The following RHBDF1 variants were observed in gnomAD, a reference collection of about 807,000 sequenced individuals.
The protein encoded by RHBDF1 is inactive rhomboid protein 1.
Under a neutral mutation model 98.6 loss-of-function variants are expected in RHBDF1, and 80 were observed. The ratio of observed to expected loss-of-function variants is 0.81; its 90% CI spans 0.68 to 0.98. The LOEUF (loss-of-function observed/expected upper bound fraction) is 0.98. Among genes scored for constraint, RHBDF1 ranks in the 50% least tolerant of loss-of-function variants. RHBDF1 has a pLI of 0.00. For synonymous variants in RHBDF1, 512 were observed against 486.8 expected (o/e 1.05, Z -0.68); for missense variants, 1,116 against 1,198.3 (o/e 0.93, Z 1.01).
At position 61,448 on chromosome 16, in the gene RHBDF1, G is replaced by GTTCC; in HGVS notation, c.1328_1331dup (p.Asn444LysfsTer114). On this transcript the variant is annotated frameshift_variant, in exon 10 of 18. Coordinates refer to ENST00000262316, the MANE Select transcript of RHBDF1 (RefSeq NM_022450.5). LOFTEE classifies it high-confidence loss of function. Reference sequence around the variant, plus strand: ...ACTTGACGTTCTCGTAGACCCCGCGGTTCCGCAGCACCTGGGAGGTTGGGG... The same window carrying GTTCC: ...ACTTGACGTTCTCGTAGACCCCGCGGTTCCTTCCGCAGCACCTGGGAGGTTGGGG... 1 of 1,612,604 alleles carries GTTCC rather than the reference G, an allele frequency of 6.2e-7. No individual in the cohort carries two copies. The highest frequency in any genetic ancestry group is 8.5e-7 in the Non-Finnish European group (1 of 1,179,842).
At chr16:71,425 T>C in intron 1 of RHBDF1, among the ~76,000 whole-genome samples, 1 of 152,170 alleles carries the variant, frequency 6.6e-6, no homozygotes, top group East Asian at 1.9e-4. Flanking sequence ...GGTCCCCAGC[T>C]TCTGCCCACC....
rs748554394 is a variant in RHBDF1, at chr16:61,377, G to A, written c.1395+8C>T. On this transcript the variant is annotated splice_region_variant and intron_variant, in intron 10 of 17. Transcript: ENST00000262316. Reference sequence around the variant, plus strand: ...CCCCGCCGGCCCCGCCCCCAGCCCCGTCCTCACCGAGCTGGGCCCGATCCA... The same window carrying A: ...CCCCGCCGGCCCCGCCCCCAGCCCCATCCTCACCGAGCTGGGCCCGATCCA... The A allele has an allele frequency of 5.7e-6, 8 of 1,397,484 alleles. No homozygotes were observed. In the South Asian group the frequency reaches 7.0e-5, roughly 12 times the overall value. The allele number at this position is 1,397,484 out of a possible 1,614,324, so 86.6% of individuals were successfully genotyped here. A position where few individuals can be genotyped will look rare whatever the true frequency, so the allele number is the denominator to read the frequency against.
chr16:58,345 G>GTACTTCTCACA lies in RHBDF1; in HGVS notation c.2562_2563insTGTGAGAAGTA (p.His855CysfsTer76). 1 of 1,610,268 alleles carries GTACTTCTCACA rather than the reference G, an allele frequency of 6.2e-7. No homozygotes were observed. The highest frequency in any genetic ancestry group is 8.5e-7 in the Non-Finnish European group (1 of 1,178,112). ...CGCTGGAGCCCGCAGCCAGCTCAGTGGAGCTGAGCGTCCAGTTCGTACTTC... is the reference window on the plus strand; with the variant it reads ...CGCTGGAGCCCGCAGCCAGCTCAGTGTACTTCTCACAGAGCTGAGCGTCCAGTTCGTACTTC... On this transcript the variant is annotated frameshift_variant, in exon 18 of 18. Coordinates refer to ENST00000262316, the MANE Select transcript of RHBDF1 (RefSeq NM_022450.5). LOFTEE classifies it high-confidence loss of function.
chr16:74,782 C>A (rs1401309437), upstream of RHBDF1: 1 of 149,818 alleles, frequency 6.7e-6, no homozygotes, highest in Non-Finnish European at 1.5e-5. Flanking sequence ...TGTGAAATTC[C>A]TTCTCCTGGC....
chr16:61,613 C>G lies in RHBDF1; in HGVS notation c.1292G>C (p.Gly431Ala). ...GTCCACCGTCTCATGCTGCGAGAAG[C>G]CCACGGGCGCGATGCCATAGATGCA... ...AVCIYGIAPV[G>A]FSQHETVDSV... The change falls in exon 9 of 18, where the codon GGC becomes GCC. Residue 431 changes from glycine to alanine, a missense_variant. Gly to Ala is a moderately conservative substitution (Grantham distance 60, BLOSUM62 0). Coordinates refer to ENST00000262316, the MANE Select transcript of RHBDF1 (RefSeq NM_022450.5). 1 of 1,613,430 alleles carries G rather than the reference C, an allele frequency of 6.2e-7. No individual in the cohort carries two copies. The highest frequency in any genetic ancestry group is 8.5e-7 in the Non-Finnish European group (1 of 1,179,922).
chr16:62,918 A>G, intron 5 of RHBDF1, 21 bp from the exon 6 acceptor site: 1 of 1,613,356 alleles, frequency 6.2e-7, no homozygotes, highest in Non-Finnish European at 8.5e-7. Context: ...GGAAGTGAGC[A>G]TGAGACCCGG....
chr16:68,000 C>G (rs1035071451), intron 1 of RHBDF1, among the ~76,000 whole-genome samples: 1 of 151,884 alleles, frequency 6.6e-6, no homozygotes. Context: ...GCCCCAGGAA[C>G]CTCCCCAGGA....
At chr16:71,234 G>GA (rs974160756) in intron 1 of RHBDF1, among the ~76,000 whole-genome samples, 2 of 152,190 alleles carry the variant, frequency 1.3e-5, no homozygotes, top group African/African-American at 4.8e-5. Flanking sequence ...CCCAGCCAGT[G>GA]AAAGCTACTT....
At chr16:72,755 G>A (rs577569950), upstream of RHBDF1, 501 of 913,902 alleles carry the variant, frequency 5.5e-4, 1 homozygote, top group African/African-American at 8.6e-3. Flanking sequence ...CCGGAAGGCC[G>A]CCGGGCTCCC....
At chr16:71,887 G>C (rs1369097461) in intron 1 of RHBDF1, among the ~76,000 whole-genome samples, 1 of 152,256 alleles carries the variant, frequency 6.6e-6, no homozygotes, top group African/African-American at 2.4e-5. Flanking sequence ...CGCACAGAGT[G>C]AGAGTCTGTC....
upstream of RHBDF1, chr16:74,991 G>A (rs1351391353): frequency 6.6e-6 from 1 of 152,426 alleles, no homozygotes; most frequent in Admixed American, 6.5e-5. Context: ...CTCACACAAA[G>A]CCTGCTTGGT....
At chr16:70,261 C>G (rs1360272688) in intron 1 of RHBDF1, among the ~76,000 whole-genome samples, 1 of 152,202 alleles carries the variant, frequency 6.6e-6, no homozygotes, top group Non-Finnish European at 1.5e-5. Flanking sequence ...AGTCCCCAGT[C>G]TGGAGTCTAG....
Position 62,519 on chromosome 16 carries a change from C to T in RHBDF1, c.953+19G>A. On this transcript the variant is annotated intron_variant, in intron 7 of 17. Transcript: ENST00000262316. ...CCCGGGGTCTCTCTCTGCCCCTCTT[C>T]CCTGCCTGCCGCACTCACAGCATCA... 1 of 1,609,508 alleles carries T rather than the reference C, an allele frequency of 6.2e-7. No individual in the cohort carries two copies. The highest frequency in any genetic ancestry group is 8.5e-7 in the Non-Finnish European group (1 of 1,179,570).
intron 14 of RHBDF1, 82 bp from the exon 15 acceptor site, chr16:59,576 T>C: frequency 1.3e-6 from 2 of 1,498,208 alleles, no homozygotes; most frequent in Non-Finnish European, 1.8e-6. Flanking sequence ...CAGCCGCACC[T>C]ACCCACCTTT....
At position 61,682 on chromosome 16, in the gene RHBDF1, T is replaced by C; in HGVS notation, c.1223A>G (p.Tyr408Cys). The change falls in exon 9 of 18, where the codon TAC becomes TGC. Residue 408 changes from tyrosine (Y) to cysteine (C), a missense_variant. Transcript: ENST00000262316. ...DMDDHRPFFTYWLTFVHSLVT... is the reference protein window; with the variant it reads ...DMDDHRPFFTCWLTFVHSLVT... ...GAGCGAGTGCACGAAGGTAAGCCAG[T>C]AGGTGAAGAAGGGCCTGCGGGGTGG... is the stretch of plus-strand genomic sequence containing the variant. The C allele has an allele frequency of 6.2e-7, 1 of 1,613,422 alleles. No individual in the cohort carries two copies. The highest frequency in any genetic ancestry group is 8.5e-7 in the Non-Finnish European group (1 of 1,179,890).
At chr16:63,248 A>C in intron 4 of RHBDF1, 66 bp from the exon 5 acceptor site, 2 of 1,362,352 alleles carry the variant, frequency 1.5e-6, no homozygotes, top group Non-Finnish European at 2.0e-6. Context: ...AGAGGCACAG[A>C]GGCCTTGCAA....
chr16:65,661 G>A (rs1386536475), intron 1 of RHBDF1, among the ~76,000 whole-genome samples: 2 of 152,152 alleles, frequency 1.3e-5, no homozygotes, highest in African/African-American at 2.4e-5. Flanking sequence ...TACCCACCCA[G>A]ACTTCCACTC....
chr16:58,806 C>G (rs774011665), intron 17 of RHBDF1, 47 bp from the exon 18 acceptor site: 18 of 1,588,034 alleles, frequency 1.1e-5, no homozygotes, highest in African/African-American at 1.1e-4. Context: ...CTGGGCAGGC[C>G]CCCTGGACCC....
At position 60,483 on chromosome 16, in the gene RHBDF1, C is replaced by T. The variant is rs528865754; in HGVS notation, c.1614G>A (p.Ala538=). The T allele has an allele frequency of 2.0e-5, 32 of 1,611,942 alleles. No individual in the cohort carries two copies. The highest frequency in any genetic ancestry group is 1.1e-4 in the South Asian group (10 of 91,076). ...WPIHPSAPEL[A]GHKRQFGSVC... ...CAGAGCCAAACTGTCTCTTGTGGCC[C>T]GCAAGCTCTGGGGCGCTGGGATGGA... The change falls in exon 12 of 18, where the codon GCG becomes GCA. Residue 538 remains alanine, a synonymous_variant. Transcript: ENST00000262316.
Sources: gnomAD v4.1 joint callset for allele counts (sites outside exome capture counted in the v4.1 genomes callset) on GRCh38, gnomAD v4.1.1 for gene constraint, MANE v1.5 for transcripts, NCBI Gene and HGNC (gene_info 2026-07-23, HGNC 2026-07-21) for gene names.